The following SETD5 variants were observed in gnomAD, a reference collection of about 807,000 sequenced individuals.
The protein encoded by SETD5 is SET domain containing 5, also known as histone-lysine N-methyltransferase SETD5.
Under a neutral mutation model 153.3 loss-of-function variants are expected in SETD5, and 44 were observed. That is an observed-to-expected ratio of 0.29 (90% CI 0.23 to 0.37). The LOEUF (loss-of-function observed/expected upper bound fraction) is 0.37, where lower values mean the gene tolerates loss of function less well. SETD5 is among the 10% of genes least tolerant of loss of function. SETD5 has a pLI of 1.00. For synonymous variants in SETD5, 716 were observed against 645.2 expected (o/e 1.11, Z -1.66); for missense variants, 1,544 against 1,768.0 (o/e 0.87, Z 2.27).
chr3:9,429,430 G>A (rs1010879385), intron 3 of SETD5: 18 of 164,278 alleles, frequency 1.1e-4, no homozygotes, highest in Non-Finnish European at 1.9e-4. Context: ...TAAAGGGGCC[G>A]AAACTATATG....
intron 16 of SETD5, chr3:9,449,405 A>T (rs372946763): frequency 6.6e-6 from 1 of 152,142 alleles, no homozygotes; most frequent in African/African-American, 2.4e-5. Flanking sequence ...TTCTAGAAGT[A>T]TAGGACACCC....
chr3:9,474,786 T>G (rs530156906), intron 21 of SETD5: 1 of 694,040 alleles, frequency 1.4e-6, no homozygotes, highest in Non-Finnish European at 2.3e-6. Flanking sequence ...TGCTCTTTTT[T>G]CCCCAAGGAA....
Position 9,475,908 on chromosome 3 carries a change from G to A in SETD5, c.4146G>A (p.Leu1382=), listed in dbSNP as rs1348692581. 1.2e-6 allele frequency: 2 copies of A among 1,614,014 alleles called. No individual in the cohort carries two copies. Among genetic ancestry groups the A allele is most frequent in the East Asian group, 4.5e-5 (2 of 44,876 alleles). ...TSFPQNSRSS[L]PSDLRTISLP... is the part of the protein sequence containing the mutation. ...TTCCTCAGAACTCTAGGTCGTCATTGCCATCAGACTTACGGACTATCAGTC... is the reference window on the plus strand; with the variant it reads ...TTCCTCAGAACTCTAGGTCGTCATTACCATCAGACTTACGGACTATCAGTC... The change falls in exon 23 of 23, where the codon TTG becomes TTA. Residue 1382 remains leucine, a synonymous_variant. Coordinates refer to ENST00000402198, the MANE Select transcript of SETD5 (RefSeq NM_001080517.3).
Position 9,470,429 on chromosome 3 carries a change from C to A in SETD5, c.2725-30C>A, listed in dbSNP as rs747181413. 71 of 1,565,920 alleles carry A rather than the reference C, an allele frequency of 4.5e-5. No homozygotes were observed. In the South Asian group the frequency reaches 7.1e-4, roughly 16 times the overall value. ...TTGACTTTTTCCTTTCTCCCCTACCCCATGTCTCCGTTGATTTTTATTCTT... is the reference window on the plus strand; with the variant it reads ...TTGACTTTTTCCTTTCTCCCCTACCACATGTCTCCGTTGATTTTTATTCTT... On this transcript the variant is annotated intron_variant, in intron 18 of 22. Coordinates refer to ENST00000402198, the MANE Select transcript of SETD5 (RefSeq NM_001080517.3).
chr3:9,474,231 T>G (rs944579213), intron 20 of SETD5, among the ~76,000 whole-genome samples: 1 of 152,206 alleles, frequency 6.6e-6, no homozygotes, highest in African/African-American at 2.4e-5. Context: ...TTAACCCACT[T>G]TTTCCTTGAT....
intron 1 of SETD5, among the ~76,000 whole-genome samples, chr3:9,412,387 G>GT (rs370566998): frequency 0.064 from 5,687 of 89,290 alleles, 500 homozygotes; most frequent in African/African-American, 0.1. Flanking sequence ...ACAGTTTTGG[G>GT]TTTTTTTTTT....
At chr3:9,426,583 G>T (rs1313403454) in intron 2 of SETD5, among the ~76,000 whole-genome samples, 2 of 151,964 alleles carry the variant, frequency 1.3e-5, no homozygotes, top group Non-Finnish European at 2.9e-5. Context: ...AGTAGAGAAG[G>T]GGTTTCACCA....
intron 17 of SETD5, among the ~76,000 whole-genome samples, chr3:9,455,810 A>T (rs1010618636): frequency 1.3e-5 from 2 of 152,202 alleles, no homozygotes; most frequent in South Asian, 2.1e-4. Context: ...TTATAGGAAA[A>T]GTGTCTTTGT....
intron 1 of SETD5, among the ~76,000 whole-genome samples, chr3:9,404,684 C>T (rs535726855): frequency 9.2e-5 from 14 of 152,304 alleles, no homozygotes; most frequent in African/African-American, 3.1e-4. Flanking sequence ...TTTACACCCT[C>T]CCCCTTCCCA....
intron 1 of SETD5, among the ~76,000 whole-genome samples, chr3:9,413,646 CGG>C (rs539618589): frequency 5.0e-5 from 5 of 99,390 alleles, no homozygotes; most frequent in South Asian, 3.7e-4. Flanking sequence ...TGGGGGGAGG[CGG>C]GGTGTGTGTG....
intron 7 of SETD5, among the ~76,000 whole-genome samples, chr3:9,438,526 G>C (rs1207707948): frequency 2.0e-5 from 3 of 150,768 alleles, no homozygotes; most frequent in African/African-American, 7.3e-5. Flanking sequence ...TTAAAATTTA[G>C]AAAAAAAAAT....
chr3:9,415,015 G>A (rs1187585931), intron 1 of SETD5, among the ~76,000 whole-genome samples: 2 of 152,264 alleles, frequency 1.3e-5, no homozygotes, highest in South Asian at 2.1e-4. Context: ...TCTGTTTAGT[G>A]CTAGAATTCT....
intron 17 of SETD5, among the ~76,000 whole-genome samples, chr3:9,460,273 AAACT>A (rs1407546660): frequency 6.6e-6 from 1 of 151,966 alleles, no homozygotes; most frequent in African/African-American, 2.4e-5. Flanking sequence ...TAAAAAAAAA[AAACT>A]AAAGAACTCT....
At chr3:9,448,675 C>A in intron 16 of SETD5, 45 bp downstream of exon 16, 1 of 1,444,276 alleles carries the variant, frequency 6.9e-7, no homozygotes, top group Non-Finnish European at 9.2e-7. Context: ...TGTGTGTGTG[C>A]TTTATTTTTT....
intron 11 of SETD5, among the ~76,000 whole-genome samples, chr3:9,444,341 T>G (rs2041677558): frequency 6.6e-6 from 1 of 152,074 alleles, no homozygotes; most frequent in African/African-American, 2.4e-5. Flanking sequence ...ATGTTCTGCT[T>G]AATTCATCAA....
Position 9,477,491 on chromosome 3 carries a change from A to G in SETD5, c.*1400A>G, listed in dbSNP as rs539794900. 8 of 152,680 alleles carry G rather than the reference A, an allele frequency of 5.2e-5. No individual in the cohort carries two copies. In the East Asian group the frequency reaches 1.4e-3, roughly 26 times the overall value. 9.5% of individuals were successfully genotyped at this position (152,680 alleles called of 1,614,324 possible). On this transcript the variant is annotated 3_prime_UTR_variant, in exon 23 of 23. Coordinates refer to ENST00000402198, the MANE Select transcript of SETD5 (RefSeq NM_001080517.3). The stretch of plus-strand genomic sequence containing the variant: ...TGGACCTTCTTTTCTTTTGGACAAG[A>G]TAATACTGTGAGTTTCCCTCCTTCC...
chr3:9,448,884 C>G (rs535286805), intron 16 of SETD5, among the ~76,000 whole-genome samples: 42 of 152,094 alleles, frequency 2.8e-4, no homozygotes, highest in African/African-American at 9.9e-4. Context: ...TTCTGAGAAC[C>G]CTTGAGGTTC....
chr3:9,455,996 A>G (rs747810850), intron 17 of SETD5, among the ~76,000 whole-genome samples: 7 of 152,204 alleles, frequency 4.6e-5, no homozygotes, highest in Non-Finnish European at 7.4e-5. Flanking sequence ...CAAATGCGCA[A>G]GTTATATTGC....
chr3:9,436,736 AAG>A, intron 7 of SETD5: 1 of 848,406 alleles, frequency 1.2e-6, no homozygotes, highest in Non-Finnish European at 1.8e-6. Flanking sequence ...TACCTAGAGA[AAG>A]GGGGACAGAA....
Sources: gnomAD v4.1 joint callset for allele counts (sites outside exome capture counted in the v4.1 genomes callset) on GRCh38, gnomAD v4.1.1 for gene constraint, MANE v1.5 for transcripts, NCBI Gene and HGNC (gene_info 2026-07-23, HGNC 2026-07-21) for gene names.